SBF1: variants seen among roughly 807,000 people sequenced by gnomAD.
The protein encoded by SBF1 is SET binding factor 1, also known as myotubularin-related protein 5.
SBF1 carries 65 observed loss-of-function variants against 215.8 expected under a neutral mutation model. The ratio of observed to expected loss-of-function variants is 0.30; its 90% CI spans 0.25 to 0.37. The LOEUF is 0.37. Ranked by LOEUF, SBF1 falls within the 10% of genes least tolerant of loss-of-function variation. The probability of loss-of-function intolerance (pLI) is 1.00; values close to 1 mark genes in which losing one functional copy is unlikely to be tolerated. For synonymous variants in SBF1, 1,410 were observed against 1,122.8 expected (o/e 1.26, Z -5.11); for missense variants, 2,634 against 2,667.8 (o/e 0.99, Z 0.28).
intron 36 of SBF1, among the ~76,000 whole-genome samples, chr22:50,453,041 C>T (rs889685124): frequency 6.6e-6 from 1 of 152,092 alleles, no homozygotes; most frequent in Non-Finnish European, 1.5e-5. Flanking sequence ...AGATGACAGA[C>T]TTAAACCCAG....
At chr22:50,465,430 C>T in intron 10 of SBF1, 102 bp from the exon 11 acceptor site, 3 of 991,858 alleles carry the variant, frequency 3.0e-6, no homozygotes, top group Non-Finnish European at 4.5e-6. Flanking sequence ...AGCTGCCCCG[C>T]TCCCATCCTT....
chr22:50,455,543 G>A lies in SBF1; in HGVS notation c.4306C>T (p.Leu1436Phe). The change falls in exon 32 of 41, where the codon CTC (leucine) becomes TTC (phenylalanine). Residue 1436 changes from leucine (L) to phenylalanine (F), a missense_variant. Physicochemically the swap from Leu to Phe is conservative, Grantham distance 22. Coordinates refer to ENST00000380817, the MANE Select transcript of SBF1 (RefSeq NM_002972.4). ...AGCACGGAGGAGCCTGAATCCAGGA[G>A]CTCCACCACCAGCACAGACACCTGC... is the stretch of plus-strand genomic sequence containing the variant. ...LLQVSVLVVE[L>F]LDSGSSVLVG... 1 of 1,595,718 alleles carries A rather than the reference G, an allele frequency of 6.3e-7. No homozygotes were observed. The highest frequency in any genetic ancestry group is 8.5e-7 in the Non-Finnish European group (1 of 1,171,418).
In SBF1 at chr22:50,456,618, C is replaced by A; in HGVS notation, c.3960G>T (p.Val1320=). 6.6e-7 allele frequency: 1 copy of A among 1,518,764 alleles called. No homozygotes were observed. The allele number at this position is 1,518,764 out of a possible 1,614,324, so 94.1% of individuals were successfully genotyped here. Residue 1320 remains valine, a synonymous_variant, in exon 30 of 41, where the codon GTG becomes GTT. Transcript: ENST00000380817. ...SGRSSGLGTD[V]GSRLAGRDAL... is the part of the protein sequence containing the mutation. ...CGTCTCTGCCAGCTAGCCGGGAGCC[C>A]ACATCGGTGCCAAGGCCACTGCTGC...
intron 28 of SBF1, among the ~76,000 whole-genome samples, chr22:50,457,909 C>T (rs2067320440): frequency 6.6e-6 from 1 of 152,374 alleles, no homozygotes; most frequent in Admixed American, 6.5e-5. Context: ...GCCCTGTGTC[C>T]TCTGACGGCT....
At chr22:50,455,839 T>TA (rs1569510462) in intron 31 of SBF1, 47 of 474,476 alleles carry the variant, frequency 9.9e-5, no homozygotes, top group Non-Finnish European at 1.4e-4. Context: ...TCCCTCAAGA[T>TA]GCCGGTGGCC....
Position 50,467,816 on chromosome 22 carries a change from C to G in SBF1, c.249G>C (p.Leu83Phe), listed in dbSNP as rs749577639. The change falls in exon 3 of 41, where the codon TTG becomes TTC. Residue 83 changes from leucine (L) to phenylalanine (F), a missense_variant. Leu to Phe is a conservative substitution (Grantham distance 22). Transcript: ENST00000380817. ...INSERHYCAC[L>F]TFWEPAEPSQ... ...AAGGCTCCGCTGGCTCCCAGAAGGT[C>G]AAGCAGGCGCAGTAGTGGCGCTCGG... 6 of 1,614,002 alleles carry G rather than the reference C, an allele frequency of 3.7e-6. No homozygotes were observed. Among genetic ancestry groups the G allele is most frequent in the Non-Finnish European group, 5.1e-6 (6 of 1,179,972 alleles).
chr22:50,459,888 C>T, intron 26 of SBF1, 64 bp downstream of exon 26: 6 of 1,567,044 alleles, frequency 3.8e-6, no homozygotes, highest in Admixed American at 3.3e-5. Flanking sequence ...CCCAGGCCCA[C>T]AGCGGGCAGG....
intron 28 of SBF1, 48 bp downstream of exon 28, chr22:50,459,207 G>A: frequency 5.1e-6 from 8 of 1,563,878 alleles, no homozygotes; most frequent in Non-Finnish European, 7.0e-6. Flanking sequence ...TGCCACCACG[G>A]CCCCCCAAAG....
At chr22:50,460,831 G>T in intron 23 of SBF1, 119 bp from the exon 24 acceptor site, 1 of 1,139,424 alleles carries the variant, frequency 8.8e-7, no homozygotes. Context: ...GCAGGCCCCA[G>T]GCAAAGGCCT....
At chr22:50,463,702 G>A (rs571728462) in intron 15 of SBF1, among the ~76,000 whole-genome samples, 12 of 152,354 alleles carry the variant, frequency 7.9e-5, no homozygotes, top group African/African-American at 2.2e-4. Flanking sequence ...CTTGCGGGCC[G>A]GGCCCCCTTG....
At chr22:50,470,347 G>A (rs2067952312) in intron 1 of SBF1, among the ~76,000 whole-genome samples, 1 of 152,172 alleles carries the variant, frequency 6.6e-6, no homozygotes, top group African/African-American at 2.4e-5. Context: ...TGGGCAGAGT[G>A]GCAGGTCACC....
chr22:50,474,831 G>A lies in SBF1; in HGVS notation c.10C>T (p.Leu4Phe), dbSNP rs2068122073. The change falls in exon 1 of 41, where the codon CTC becomes TTC. Residue 4 changes from leucine to phenylalanine, a missense_variant. By Grantham distance (22) the Leu-to-Phe change is conservative. Coordinates refer to ENST00000380817, the MANE Select transcript of SBF1 (RefSeq NM_002972.4). MAR[L>F]ADYFVLVAFG... is the part of the protein sequence containing the mutation. ...GCCACCAGCACGAAGTAGTCCGCGAGCCGCGCCATGGCGAGGGACGCGGGG... is the reference window on the plus strand; with the variant it reads ...GCCACCAGCACGAAGTAGTCCGCGAACCGCGCCATGGCGAGGGACGCGGGG... 2 of 1,438,314 alleles carry A rather than the reference G, an allele frequency of 1.4e-6. No individual in the cohort carries two copies. The highest frequency in any genetic ancestry group is 1.3e-5 in the South Asian group (1 of 75,986). The allele number at this position is 1,438,314 out of a possible 1,614,324, so 89.1% of individuals were successfully genotyped here. A position where few individuals can be genotyped will look rare whatever the true frequency, so the allele number is the denominator to read the frequency against.
chr22:50,465,321 T>A lies in SBF1; in HGVS notation c.1097A>T (p.Glu366Val), dbSNP rs1165176385. 1 of 1,587,424 alleles carries A rather than the reference T, an allele frequency of 6.3e-7. No homozygotes were observed. Among genetic ancestry groups the A allele is most frequent in the African/African-American group, 1.3e-5 (1 of 74,692 alleles). ...CAGCCGCAGGAAGACCGCGCGCAGC[T>A]CCTTGTCCTGGGAGAAGAGCTGAGT... ...STSSLKMQDKELRAVFLRLFA... is the reference protein window; with the variant it reads ...STSSLKMQDKVLRAVFLRLFA... Residue 366 changes from glutamate (E) to valine (V), a missense_variant, in exon 11 of 41, where the codon GAG (glutamate) becomes GTG (valine). Coordinates refer to ENST00000380817, the MANE Select transcript of SBF1 (RefSeq NM_002972.4).
intron 31 of SBF1, chr22:50,455,967 G>T (rs1456269518): frequency 1.8e-6 from 1 of 561,716 alleles, no homozygotes; most frequent in Non-Finnish European, 3.1e-6. Flanking sequence ...ATCAGCCCAC[G>T]TGGGCCCAGC....
chr22:50,451,558 G>T (rs918103955), intron 36 of SBF1, among the ~76,000 whole-genome samples: 4 of 152,114 alleles, frequency 2.6e-5, no homozygotes, highest in African/African-American at 9.7e-5. Context: ...ATTTATAGAA[G>T]CAATGGCTTG....
chr22:50,462,739 G>A lies in SBF1; in HGVS notation c.1969-22C>T, dbSNP rs374575760. 1.7e-4 allele frequency: 274 copies of A among 1,610,474 alleles called. 2 individuals carry two copies. The South Asian group carries it at 2.8e-3, about 16-fold the overall frequency. ...GCTTCTGCAGGAGCCAGGGGAGAAG[G>A]TCAGCTGGATGCAGCCAGGAAGGGC... On this transcript the variant is annotated intron_variant, in intron 17 of 40. Transcript: ENST00000380817.
chr22:50,445,006 G>A lies in SBF1; in HGVS notation c.*2136C>T, dbSNP rs190563498. 7 of 152,630 alleles carry A rather than the reference G, an allele frequency of 4.6e-5. No homozygotes were observed. Among genetic ancestry groups the A allele is most frequent in the East Asian group, 3.9e-4 (2 of 5,178 alleles). 9.5% of individuals were successfully genotyped at this position (152,630 alleles called of 1,614,324 possible). ...AGAAGGGTCCAGAAGATTATTTTACGTTGAGTCCATTTTTAATGTTCTGAT... is the reference window on the plus strand; with the variant it reads ...AGAAGGGTCCAGAAGATTATTTTACATTGAGTCCATTTTTAATGTTCTGAT... On this transcript the variant is annotated 3_prime_UTR_variant, in exon 41 of 41. Transcript: ENST00000380817.
chr22:50,450,243 G>A (rs139854353), intron 36 of SBF1, among the ~76,000 whole-genome samples: 135 of 152,332 alleles, frequency 8.9e-4, no homozygotes, highest in African/African-American at 3.2e-3. Context: ...ACCTGACGCC[G>A]GCAGCAGTGG....
chr22:50,461,243 C>G lies in SBF1; in HGVS notation c.2883G>C (p.Leu961=). The change falls in exon 23 of 41, where the codon CTG becomes CTC. Residue 961 remains leucine (L), a synonymous_variant. Transcript: ENST00000380817. ...VVVRSFPVAA[L]TKEKRISVQT... Reference sequence around the variant, plus strand: ...GGACGCTGATGCGCTTCTCCTTGGTCAGCGCAGCCACCGGGAAGGAGCGGA... The same window carrying G: ...GGACGCTGATGCGCTTCTCCTTGGTGAGCGCAGCCACCGGGAAGGAGCGGA... The G allele has an allele frequency of 6.2e-7, 1 of 1,613,286 alleles. No individual in the cohort carries two copies.
Sources: gnomAD v4.1 joint callset for allele counts (sites outside exome capture counted in the v4.1 genomes callset) on GRCh38, gnomAD v4.1.1 for gene constraint, MANE v1.5 for transcripts, NCBI Gene and HGNC (gene_info 2026-07-23, HGNC 2026-07-21) for gene names.